SAP30BP: variants seen among roughly 807,000 people sequenced by gnomAD.
SAP30BP encodes the protein SAP30-binding protein.
In SAP30BP, 31 loss-of-function variants were observed where a neutral mutation model predicts 46.3. The observed-to-expected ratio is 0.67, with a 90% CI of 0.50 to 0.90. The LOEUF (loss-of-function observed/expected upper bound fraction) is 0.90, where lower values mean the gene tolerates loss of function less well. Ranked by LOEUF, SAP30BP falls within the 40% of genes least tolerant of loss-of-function variation. The pLI, the probability that SAP30BP is intolerant of heterozygous loss-of-function variation, is 0.00. For missense variants in SAP30BP, 312 were observed against 391.0 expected (o/e 0.80, Z 1.70); for synonymous variants, 169 against 144.2 (o/e 1.17, Z -1.23).
chr17:75,706,812 G>A lies in SAP30BP; in HGVS notation c.*291G>A, dbSNP rs1340092180. The A allele has an allele frequency of 2.2e-6, 1 of 448,604 alleles. No individual in the cohort carries two copies. Among genetic ancestry groups the A allele is most frequent in the Non-Finnish European group, 4.0e-6 (1 of 247,182 alleles). 27.8% of individuals were successfully genotyped at this position (448,604 alleles called of 1,614,324 possible). A position where few individuals can be genotyped will look rare whatever the true frequency, so the allele number is the denominator to read the frequency against. On this transcript the variant is annotated 3_prime_UTR_variant, in exon 11 of 11. Coordinates refer to ENST00000584667, the MANE Select transcript of SAP30BP (RefSeq NM_013260.8). This position sits in a 1 kb window ranked among gnomAD's most constrained non-coding sequence, Gnocchi z 4.6. The stretch of plus-strand genomic sequence containing the variant: ...TCCTGCATTCTGTTTGCAGGCAAAT[G>A]CTTCAGCTCACATGTCCCCCAAGAC...
intron 3 of SAP30BP, among the ~76,000 whole-genome samples, chr17:75,683,127 C>A (rs939215146): frequency 6.7e-6 from 1 of 149,538 alleles, no homozygotes; most frequent in Admixed American, 6.7e-5. Context: ...TCACTGCAAC[C>A]TCCCTCCTGG....
rs368379323 is a variant in SAP30BP at position 75,671,318 on chromosome 17, C to T, written c.217-498C>T. Among the ~76,000 whole-genome samples, 5 of 152,252 alleles carry T rather than the reference C, an allele frequency of 3.3e-5. No homozygotes were observed. The East Asian group carries it at 9.6e-4, about 29-fold the overall frequency. On this transcript the variant is annotated intron_variant, in intron 2 of 10. Transcript: ENST00000584667. ...TGTGCAAATGCCGGTTGAGGTGCTG[C>T]GATACAGCTGTGTGTAAGCCTTGGC...
At chr17:75,675,243 C>T (rs1291914561) in intron 3 of SAP30BP, among the ~76,000 whole-genome samples, 6 of 152,102 alleles carry the variant, frequency 3.9e-5, no homozygotes, top group African/African-American at 7.2e-5. Flanking sequence ...CTCTGCCTCC[C>T]GCATTCAAGC....
chr17:75,667,625 A>G, intron 1 of SAP30BP, 147 bp downstream of exon 1: 2 of 662,568 alleles, frequency 3.0e-6, no homozygotes, highest in Non-Finnish European at 5.1e-6. Flanking sequence ...GAGATAGAGC[A>G]TTAGAGACTG....
At chr17:75,693,539 C>T in intron 4 of SAP30BP, 57 bp downstream of exon 4, 3 of 1,556,912 alleles carry the variant, frequency 1.9e-6, no homozygotes, top group South Asian at 2.3e-5. Flanking sequence ...AGCAGCCTGG[C>T]TTCCAGCCAT....
intron 3 of SAP30BP, chr17:75,684,404 C>T (rs1387677408): frequency 2.0e-5 from 3 of 152,180 alleles, no homozygotes; most frequent in Non-Finnish European, 2.9e-5. Flanking sequence ...TGTTCTATCT[C>T]CCATACCCTG....
Position 75,668,564 on chromosome 17 carries a change from C to T in SAP30BP, c.155C>T (p.Ser52Phe), listed in dbSNP as rs917680035. ...VSDAYGEDDF[S>F]RLGGDEDGYE... Reference sequence around the variant, plus strand: ...GATGCCTATGGGGAGGATGACTTTTCTCGTCTAGGGGGTGATGAAGATGGT... The same window carrying T: ...GATGCCTATGGGGAGGATGACTTTTTTCGTCTAGGGGGTGATGAAGATGGT... The change falls in exon 2 of 11, where the codon TCT (serine) becomes TTT (phenylalanine). Residue 52 changes from serine to phenylalanine, a missense_variant. Coordinates refer to ENST00000584667, the MANE Select transcript of SAP30BP (RefSeq NM_013260.8). 3 of 1,603,656 alleles carry T rather than the reference C, an allele frequency of 1.9e-6. No individual in the cohort carries two copies. The highest frequency in any genetic ancestry group is 2.6e-6 in the Non-Finnish European group (3 of 1,176,084).
At chr17:75,672,585 TC>T (rs1293964485) in intron 3 of SAP30BP, among the ~76,000 whole-genome samples, 1 of 151,848 alleles carries the variant, frequency 6.6e-6, no homozygotes, top group Non-Finnish European at 1.5e-5. Flanking sequence ...AGGAAAAACT[TC>T]CCCCCTGTAC....
chr17:75,697,932 T>G (rs1181484226), intron 4 of SAP30BP, among the ~76,000 whole-genome samples: 2 of 152,128 alleles, frequency 1.3e-5, no homozygotes, highest in Admixed American at 1.3e-4. Flanking sequence ...CAGCAGTGGG[T>G]TAGCTGGGGC....
intron 6 of SAP30BP, 110 bp from the exon 7 acceptor site, chr17:75,703,201 C>A: frequency 1.0e-6 from 1 of 1,003,042 alleles, no homozygotes; most frequent in Non-Finnish European, 1.5e-6. Flanking sequence ...AGCAGCTGAG[C>A]TGGATTTAAA....
At chr17:75,702,643 G>C in intron 6 of SAP30BP, 72 bp downstream of exon 6, 1 of 697,260 alleles carries the variant, frequency 1.4e-6, no homozygotes, top group Non-Finnish European at 2.5e-6. Context: ...CGTCCCCAAG[G>C]AGGTGGTGAG....
chr17:75,676,086 G>T (rs1018074513), intron 3 of SAP30BP, among the ~76,000 whole-genome samples: 3 of 152,182 alleles, frequency 2.0e-5, no homozygotes, highest in African/African-American at 7.2e-5. Context: ...TTGCATTCAG[G>T]TAATTATAGG....
intron 2 of SAP30BP, 26 bp downstream of exon 2, chr17:75,668,651 C>A: frequency 7.1e-7 from 1 of 1,412,534 alleles, no homozygotes; most frequent in Non-Finnish European, 9.9e-7. Flanking sequence ...AGATCCAGAG[C>A]TACTGAAAGC....
chr17:75,695,913 G>A (rs185594113), intron 4 of SAP30BP, among the ~76,000 whole-genome samples: 53 of 152,280 alleles, frequency 3.5e-4, no homozygotes, highest in Non-Finnish European at 1.6e-4. Flanking sequence ...GGCAGTGCAC[G>A]TGGGTTCTCT....
Position 75,668,607 on chromosome 17 carries a change from T to C in SAP30BP, c.198T>C (p.Asp66=). 3 of 1,599,166 alleles carry C rather than the reference T, an allele frequency of 1.9e-6. No individual in the cohort carries two copies. Among genetic ancestry groups the C allele is most frequent in the South Asian group, 1.1e-5 (1 of 89,484 alleles). Residue 66 remains aspartate (D), a synonymous_variant, in exon 2 of 11, where the codon GAT becomes GAC. Transcript: ENST00000584667. ...AAGATGGTTATGAAGAAGAAGAAGA[T>C]GAGAACAGTAGACAGTCGGTAGGTA... ...GDEDGYEEEE[D]ENSRQSEDDD... is the part of the protein sequence containing the mutation.
At chr17:75,672,113 C>G (rs2059916211) in intron 3 of SAP30BP, 1 of 486,724 alleles carries the variant, frequency 2.1e-6, no homozygotes, top group Admixed American at 3.3e-5. Flanking sequence ...GGCGAGAGGC[C>G]TGGCTGAGGC....
In SAP30BP at chr17:75,699,860, A is replaced by AAG. The variant is rs1568320984; in HGVS notation, c.386_387insGA (p.Asn129LysfsTer16). 1.9e-6 allele frequency: 3 copies of AAG among 1,612,154 alleles called. No homozygotes were observed. The highest frequency in any genetic ancestry group is 2.5e-6 in the Non-Finnish European group (3 of 1,178,290). On this transcript the variant is annotated frameshift_variant, in exon 5 of 11. Transcript: ENST00000584667. LOFTEE classifies it high-confidence loss of function. ...GCCAGAACCCCCTGGCAGATGTTCA[A>AAG]ATCACTTGCAAGTAAGCATGAGACT...
Position 75,703,791 on chromosome 17 carries a change from C to G in SAP30BP, c.550-17C>G, listed in dbSNP as rs552913524. On this transcript the variant is annotated splice_polypyrimidine_tract_variant and intron_variant, in intron 7 of 10. Transcript: ENST00000584667. ...TGAGTCATTTGTCATCTGAGTCATT[C>G]GCCTTTTCCTTTGCAGGATATGTTT... 11 of 1,610,678 alleles carry G rather than the reference C, an allele frequency of 6.8e-6. No individual in the cohort carries two copies. In the African/African-American group the frequency reaches 1.3e-4, roughly 20 times the overall value.
chr17:75,676,120 A>T (rs2059986891), intron 3 of SAP30BP, among the ~76,000 whole-genome samples: 1 of 152,228 alleles, frequency 6.6e-6, no homozygotes, highest in African/African-American at 2.4e-5. Flanking sequence ...TACTTCATCA[A>T]AACTCAACAG....
Sources: gnomAD v4.1 joint callset for allele counts (sites outside exome capture counted in the v4.1 genomes callset) on GRCh38, gnomAD v4.1.1 for gene constraint, Gnocchi (gnomAD v3.1) non-coding constraint, MANE v1.5 for transcripts, NCBI Gene and HGNC (gene_info 2026-07-23, HGNC 2026-07-21) for gene names.